The following SYCE2 variants were observed in gnomAD, a reference collection of about 807,000 sequenced individuals.
The protein encoded by SYCE2 is central element synaptonemal complex 1.
A neutral mutation model predicts 27.9 loss-of-function variants in SYCE2; 3 were observed. The observed-to-expected ratio is 0.11, with a 90% confidence interval of 0.05 to 0.28. The LOEUF is 0.28. SYCE2 is among the 10% of genes least tolerant of loss of function. The pLI is 1.00. For missense variants in SYCE2, 207 were observed against 263.5 expected (o/e 0.79, Z 1.48); for synonymous variants, 85 against 100.7 (o/e 0.84, Z 0.93).
intron 3 of SYCE2, 30 bp from the exon 4 acceptor site, chr19:12,900,678 A>T (rs1237054036): frequency 1.9e-6 from 3 of 1,590,762 alleles, no homozygotes; most frequent in South Asian, 1.1e-5. Context: ...GTTCTCGGAA[A>T]ATCAAACAAG....
chr19:12,899,327 T>C lies in SYCE2; in HGVS notation c.*14A>G. 1.2e-6 allele frequency: 2 copies of C among 1,612,086 alleles called. No homozygotes were observed. Among genetic ancestry groups the C allele is most frequent in the Non-Finnish European group, 1.7e-6 (2 of 1,178,280 alleles). ...CTGGAGACTGTCACTAAGGCGTGAG[T>C]CTCCCGGCAGCTGTCAGCATTCACC... On this transcript the variant is annotated 3_prime_UTR_variant, in exon 6 of 6. Coordinates refer to ENST00000293695, the MANE Select transcript of SYCE2 (RefSeq NM_001105578.2).
chr19:12,915,518 C>T (rs1568439497), intron 2 of SYCE2, among the ~76,000 whole-genome samples: 1 of 148,226 alleles, frequency 6.7e-6, no homozygotes, highest in African/African-American at 2.5e-5. Flanking sequence ...AGGAGAATTG[C>T]TTGAATCTGG....
At chr19:12,899,514 A>C in intron 5 of SYCE2, 129 bp from the exon 6 acceptor site, 1 of 1,614,180 alleles carries the variant, frequency 6.2e-7, no homozygotes, top group Non-Finnish European at 8.5e-7. Flanking sequence ...CTATCACGGG[A>C]ATCCAGGCGT....
intron 2 of SYCE2, among the ~76,000 whole-genome samples, chr19:12,910,795 A>G (rs966572601): frequency 1.3e-5 from 2 of 151,724 alleles, no homozygotes; most frequent in African/African-American, 4.8e-5. Flanking sequence ...CTCCTGCCTC[A>G]GCCTCCCGAG....
chr19:12,909,232 T>C (rs1193286682), intron 2 of SYCE2, among the ~76,000 whole-genome samples: 1 of 152,210 alleles, frequency 6.6e-6, no homozygotes, highest in Non-Finnish European at 1.5e-5. Flanking sequence ...TTGCGAGTAC[T>C]ATCCATTACC....
chr19:12,918,394 C>A (rs1971177785), intron 1 of SYCE2, 57 bp from the exon 2 acceptor site: 10 of 1,518,412 alleles, frequency 6.6e-6, no homozygotes, highest in Admixed American at 3.4e-5. Flanking sequence ...GAACAGATCG[C>A]CCTCCTGCCG....
chr19:12,909,190 A>G (rs560426568), intron 2 of SYCE2, among the ~76,000 whole-genome samples: 2 of 152,308 alleles, frequency 1.3e-5, no homozygotes, highest in South Asian at 4.1e-4. Flanking sequence ...TCATGAGAGA[A>G]GCAATAAATG....
intron 1 of SYCE2, among the ~76,000 whole-genome samples, chr19:12,918,767 TA>T (rs778589535): frequency 4.0e-5 from 6 of 151,250 alleles, no homozygotes; most frequent in Non-Finnish European, 8.8e-5. Flanking sequence ...GCCTGAGCAA[TA>T]TGGTGAAACC....
intron 5 of SYCE2, chr19:12,899,603 G>C (rs371513457): frequency 1.4e-5 from 23 of 1,613,418 alleles, no homozygotes; most frequent in Middle Eastern, 3.3e-4. Context: ...TGGCTGGACC[G>C]TAGGAGCGCT....
chr19:12,918,184 G>C lies in SYCE2; in HGVS notation c.131+38C>G, dbSNP rs748373363. ...AAAAGGGTGAATGAGAGGGACCCAG[G>C]GGCCTGTGTAGACCCATAGGGCTGG... On this transcript the variant is annotated intron_variant, in intron 2 of 5. Transcript: ENST00000293695. The C allele has an allele frequency of 1.5e-5, 23 of 1,548,748 alleles. No homozygotes were observed. The South Asian group carries it at 2.5e-4, about 17-fold the overall frequency.
Position 12,899,875 on chromosome 19 carries a change from C to G in SYCE2, c.612+129G>C, listed in dbSNP as rs1014594737. The G allele has an allele frequency of 3.8e-6, 6 of 1,590,266 alleles. No homozygotes were observed. The African/African-American group carries it at 4.0e-5, about 11-fold the overall frequency. ...AGCTGACCCCCTCACACTGAGTTCA[C>G]AGTGCGCCCTCCCTCCCTCCCATCT... On this transcript the variant is annotated intron_variant, in intron 5 of 5. Coordinates refer to ENST00000293695, the MANE Select transcript of SYCE2 (RefSeq NM_001105578.2).
At chr19:12,903,764 A>T (rs1970886591) in intron 3 of SYCE2, among the ~76,000 whole-genome samples, 2 of 151,714 alleles carry the variant, frequency 1.3e-5, no homozygotes. Context: ...CACTGAGCCA[A>T]TTTTTTTATT....
At chr19:12,916,224 C>T (rs1340718122) in intron 2 of SYCE2, among the ~76,000 whole-genome samples, 1 of 152,028 alleles carries the variant, frequency 6.6e-6, no homozygotes, top group Non-Finnish European at 1.5e-5. Context: ...CATGCGCCAC[C>T]ACGCCTGGCT....
intron 2 of SYCE2, among the ~76,000 whole-genome samples, chr19:12,905,002 TAA>T (rs761242279): frequency 7.2e-5 from 10 of 138,860 alleles, no homozygotes; most frequent in Admixed American, 1.4e-4. Context: ...AGACTCCGTC[TAA>T]AAAAAAAAAA....
At chr19:12,902,617 C>T (rs1478795401) in intron 3 of SYCE2, among the ~76,000 whole-genome samples, 3 of 151,840 alleles carry the variant, frequency 2.0e-5, no homozygotes, top group African/African-American at 7.3e-5. Context: ...GCCTGGGCAA[C>T]AGAGTGAGAC....
intron 2 of SYCE2, among the ~76,000 whole-genome samples, chr19:12,915,749 G>A (rs546668069): frequency 6.6e-6 from 1 of 151,942 alleles, no homozygotes; most frequent in East Asian, 1.9e-4. Flanking sequence ...ACTCACCCCT[G>A]TACCCCACTC....
chr19:12,901,061 T>G (rs1012847253), intron 3 of SYCE2, among the ~76,000 whole-genome samples: 2 of 151,674 alleles, frequency 1.3e-5, no homozygotes, highest in Non-Finnish European at 1.5e-5. Flanking sequence ...CCCAGCTACT[T>G]GGGAGGCTGA....
intron 2 of SYCE2, among the ~76,000 whole-genome samples, chr19:12,914,840 C>G (rs1971109865): frequency 6.6e-6 from 1 of 152,206 alleles, no homozygotes; most frequent in African/African-American, 2.4e-5. Context: ...AACTCCTGAC[C>G]TCAGGTGATC....
chr19:12,907,071 G>A (rs1393510885), intron 2 of SYCE2, among the ~76,000 whole-genome samples: 3 of 152,042 alleles, frequency 2.0e-5, no homozygotes, highest in Non-Finnish European at 4.4e-5. Flanking sequence ...CCGGTTTGAC[G>A]TCTGATCAGT....
Sources: allele counts gnomAD v4.1 joint callset (sites outside exome capture counted in the v4.1 genomes callset), GRCh38; gene constraint gnomAD v4.1.1; transcripts MANE v1.5; gene names NCBI Gene and HGNC (gene_info 2026-07-23, HGNC 2026-07-21).